FREM3: variants seen among roughly 807,000 people sequenced by gnomAD.
FREM3 encodes the protein FRAS1 related extracellular matrix 3.
A neutral mutation model predicts 129.1 loss-of-function variants in FREM3; 105 were observed. The observed-to-expected ratio is 0.81, with a 90% confidence interval of 0.69 to 0.96. The LOEUF (loss-of-function observed/expected upper bound fraction) is 0.96. Ranked by LOEUF, FREM3 falls within the 40% of genes least tolerant of loss-of-function variation. The pLI is 0.00. For missense variants in FREM3, 2,593 were observed against 2,666.3 expected (o/e 0.97, Z 0.61); for synonymous variants, 1,014 against 1,044.9 (o/e 0.97, Z 0.57).
chr4:143,653,854 C>A (rs555550965), intron 2 of FREM3, among the ~76,000 whole-genome samples: 2 of 152,282 alleles, frequency 1.3e-5, no homozygotes, highest in African/African-American at 4.8e-5. Flanking sequence ...AATTATACAA[C>A]AAATATTTCC....
intron 2 of FREM3, among the ~76,000 whole-genome samples, chr4:143,676,616 A>C (rs1197893279): frequency 1.3e-5 from 2 of 152,210 alleles, no homozygotes; most frequent in East Asian, 1.9e-4. Context: ...CTGTTTGCAG[A>C]TGACATGATT....
intron 2 of FREM3, among the ~76,000 whole-genome samples, chr4:143,643,265 G>C (rs1413925401): frequency 6.6e-6 from 1 of 151,888 alleles, no homozygotes; most frequent in Admixed American, 6.6e-5. Context: ...CCCACTGCTG[G>C]GTATATATCA....
At chr4:143,671,224 G>C (rs568919934) in intron 2 of FREM3, among the ~76,000 whole-genome samples, 31 of 152,094 alleles carry the variant, frequency 2.0e-4, no homozygotes, top group African/African-American at 7.0e-4. Context: ...TGTCAGGCAG[G>C]CATTTCAATT....
intron 2 of FREM3, among the ~76,000 whole-genome samples, chr4:143,666,723 A>G (rs1578859949): frequency 6.6e-6 from 1 of 152,092 alleles, no homozygotes; most frequent in South Asian, 2.1e-4. Context: ...CAGAGGCTGG[A>G]GAAAGGGGGA....
At chr4:143,672,614 A>G (rs887326789) in intron 2 of FREM3, among the ~76,000 whole-genome samples, 1 of 151,972 alleles carries the variant, frequency 6.6e-6, no homozygotes, top group African/African-American at 2.4e-5. Flanking sequence ...CGTTCTCTGT[A>G]TTTCTTGAAT....
At chr4:143,685,211 C>T (rs4835520) in intron 2 of FREM3, among the ~76,000 whole-genome samples, 11,063 of 151,994 alleles carry the variant, frequency 0.073, 1,070 homozygotes, top group African/African-American at 0.21. Flanking sequence ...TCAGGTTATC[C>T]AAAGGTGAAG....
chr4:143,578,649 C>T (rs1014216711), intron 7 of FREM3, among the ~76,000 whole-genome samples: 2 of 152,152 alleles, frequency 1.3e-5, no homozygotes, highest in Non-Finnish European at 2.9e-5. Context: ...TGACAGAATA[C>T]AATGAGAGGA....
At chr4:143,665,838 C>T (rs1265438065) in intron 2 of FREM3, among the ~76,000 whole-genome samples, 1 of 152,042 alleles carries the variant, frequency 6.6e-6, no homozygotes, top group Non-Finnish European at 1.5e-5. Flanking sequence ...TCTAACTAGC[C>T]CTTGTGTTCT....
intron 2 of FREM3, among the ~76,000 whole-genome samples, chr4:143,648,287 G>A (rs1739454044): frequency 6.6e-6 from 1 of 152,198 alleles, no homozygotes; most frequent in Non-Finnish European, 1.5e-5. Flanking sequence ...GAAGGGATTT[G>A]CCTTGTCTCA....
At chr4:143,593,900 G>A (rs570586927) in intron 6 of FREM3, among the ~76,000 whole-genome samples, 1 of 152,184 alleles carries the variant, frequency 6.6e-6, no homozygotes, top group South Asian at 2.1e-4. Context: ...GAGCTTTCCA[G>A]CCGCTTTGGC....
intron 2 of FREM3, among the ~76,000 whole-genome samples, chr4:143,688,653 C>T (rs979593817): frequency 3.9e-5 from 6 of 152,074 alleles, no homozygotes; most frequent in Admixed American, 1.3e-4. Flanking sequence ...ACTAATACGG[C>T]GTGGTACTGG....
chr4:143,663,725 T>G (rs1739789033), intron 2 of FREM3, among the ~76,000 whole-genome samples: 1 of 152,160 alleles, frequency 6.6e-6, no homozygotes, highest in Non-Finnish European at 1.5e-5. Context: ...GGTACACCAA[T>G]CAGATGTAGA....
intron 2 of FREM3, among the ~76,000 whole-genome samples, chr4:143,648,177 A>C (rs182590803): frequency 2.0e-3 from 300 of 152,296 alleles, no homozygotes; most frequent in Non-Finnish European, 2.2e-3. Flanking sequence ...TGTTTTGACC[A>C]GTTTCTCTCA....
At position 143,698,218 on chromosome 4, in the gene FREM3, A is replaced by C; in HGVS notation, c.2458T>G (p.Leu820Val). 6.5e-7 allele frequency: 1 copy of C among 1,537,406 alleles called. No individual in the cohort carries two copies. Among genetic ancestry groups the C allele is most frequent in the Non-Finnish European group, 8.7e-7 (1 of 1,146,938 alleles). Reference sequence around the variant, plus strand: ...TGGTTGTCCACAGGTTGCAGGAATAATGTGAATGTGCCTGGCACGCTATTG... The same window carrying C: ...TGGTTGTCCACAGGTTGCAGGAATACTGTGAATGTGCCTGGCACGCTATTG... ...AGNSVPGTFT[L>V]FLQPVDNQPP... is the part of the protein sequence containing the mutation. The change falls in exon 1 of 8, where the codon TTA becomes GTA. Residue 820 changes from leucine to valine, a missense_variant. Around this residue, in one of 2 missense-constraint regions of FREM3, gnomAD observed 2,276 missense variants for 2,267.2 expected, o/e 1.00. Transcript: ENST00000329798.
At position 143,700,073 on chromosome 4, in the gene FREM3, T is replaced by G. The variant is rs1458168809; in HGVS notation, c.603A>C (p.Gly201=). Residue 201 remains glycine (G), a synonymous_variant, in exon 1 of 8, where the codon GGA becomes GGC. Coordinates refer to ENST00000329798, the MANE Select transcript of FREM3 (RefSeq NM_001168235.2). ...RVLDFASLKS[G]ATATRRCRLT... is the part of the protein sequence containing the mutation. The stretch of plus-strand genomic sequence containing the variant: ...GCCGGCACCTGCGGGTGGCCGTGGC[T>G]CCAGACTTCAGGGAGGCGAAGTCCA... 2 of 1,527,082 alleles carry G rather than the reference T, an allele frequency of 1.3e-6. No individual in the cohort carries two copies. The highest frequency in any genetic ancestry group is 2.4e-5 in the South Asian group (2 of 83,646). The allele number at this position is 1,527,082 out of a possible 1,614,324, so 94.6% of individuals were successfully genotyped here.
At chr4:143,660,537 T>C (rs1054652756) in intron 2 of FREM3, among the ~76,000 whole-genome samples, 6 of 152,224 alleles carry the variant, frequency 3.9e-5, no homozygotes, top group Non-Finnish European at 7.3e-5. Context: ...AGCTTTGTTC[T>C]TTTGGCTTAG....
At chr4:143,676,159 T>G (rs529033133) in intron 2 of FREM3, among the ~76,000 whole-genome samples, 1 of 152,076 alleles carries the variant, frequency 6.6e-6, no homozygotes, top group African/African-American at 2.4e-5. Context: ...ACTGGCAAAC[T>G]GAATCCAGCA....
At chr4:143,683,208 C>T (rs1488576832) in intron 2 of FREM3, among the ~76,000 whole-genome samples, 8 of 152,188 alleles carry the variant, frequency 5.3e-5, no homozygotes, top group African/African-American at 1.7e-4. Context: ...CAGCTCCGGA[C>T]AGAGCGAGCA....
chr4:143,696,073 T>A lies in FREM3; in HGVS notation c.4603A>T (p.Asn1535Tyr). 21 of 1,537,600 alleles carry A rather than the reference T, an allele frequency of 1.4e-5. No homozygotes were observed. Among genetic ancestry groups the A allele is most frequent in the Non-Finnish European group, 1.8e-5 (21 of 1,147,000 alleles). ...TGGATGGTCAAGATAGGTTTCTTAT[T>A]ATCCACATCAGTGATGAAGATCCTG... ...TFRIFITDVD[N>Y]KKPILTIHRL... is the part of the protein sequence containing the mutation. The change falls in exon 1 of 8, where the codon AAT (asparagine) becomes TAT (tyrosine). Residue 1535 changes from asparagine (N) to tyrosine (Y), a missense_variant. This residue lies in a region of FREM3 where 2,276 missense variants were observed against 2,267.2 expected (regional missense o/e 1.00). Transcript: ENST00000329798.
Sources: allele counts gnomAD v4.1 joint callset (sites outside exome capture counted in the v4.1 genomes callset), GRCh38; gene constraint gnomAD v4.1.1; regional missense constraint gnomAD v4.1.1; transcripts MANE v1.5; gene names NCBI Gene and HGNC (gene_info 2026-07-23, HGNC 2026-07-21).